The following SREK1 variants were observed in gnomAD, a reference collection of about 807,000 sequenced individuals.
SREK1 encodes splicing regulatory glutamine/lysine-rich protein 1.
SREK1 carries 13 observed loss-of-function variants against 66.5 expected under a neutral mutation model. The ratio of observed to expected loss-of-function variants is 0.20; its 90% confidence interval spans 0.13 to 0.31. The LOEUF is 0.31. SREK1 is among the 10% of genes least tolerant of loss of function. The pLI is 1.00. For missense variants in SREK1, 607 were observed against 769.6 expected, an observed-to-expected ratio of 0.79 and a Z score of 2.50; for synonymous variants, 265 against 263.5, an observed-to-expected ratio of 1.01 and a Z score of -0.05.
intron 5 of SREK1, 114 bp from the exon 6 acceptor site, chr5:66,163,678 T>C: frequency 9.4e-7 from 1 of 1,063,068 alleles, no homozygotes; most frequent in Non-Finnish European, 1.3e-6. Flanking sequence ...TATATCATTC[T>C]TACGTGCTTC....
intron 1 of SREK1, among the ~76,000 whole-genome samples, chr5:66,153,014 C>T (rs1421838613): frequency 6.6e-6 from 1 of 152,172 alleles, no homozygotes; most frequent in Non-Finnish European, 1.5e-5. Context: ...TACTACCTGA[C>T]TCTTTCTAAG....
chr5:66,151,882 G>T (rs1341984214), intron 1 of SREK1, among the ~76,000 whole-genome samples: 4 of 111,126 alleles, frequency 3.6e-5, no homozygotes, highest in African/African-American at 1.4e-4. Context: ...GTCTCGCTCT[G>T]TTGCCTAGGC....
chr5:66,179,157 G>A lies in SREK1; in HGVS notation c.*289G>A. ...CTGTTAGTGTTTGCCAAGAACCATT[G>A]CAAATAAATTGAACATCAAAGATCC... On this transcript the variant is annotated 3_prime_UTR_variant, in exon 12 of 12. Transcript: ENST00000334121. The A allele has an allele frequency of 4.7e-6, 1 of 212,788 alleles. No homozygotes were observed. The highest frequency in any genetic ancestry group is 9.3e-6 in the Non-Finnish European group (1 of 107,328). 13.2% of individuals were successfully genotyped at this position (212,788 alleles called of 1,614,324 possible). A position where few individuals can be genotyped will look rare whatever the true frequency, so the allele number is the denominator to read the frequency against.
At chr5:66,171,610 A>G (rs188012796) in intron 9 of SREK1, among the ~76,000 whole-genome samples, 22 of 152,286 alleles carry the variant, frequency 1.4e-4, no homozygotes, top group Non-Finnish European at 2.8e-4. Flanking sequence ...GGAAGTTCCT[A>G]ACTTATACTA....
intron 9 of SREK1, among the ~76,000 whole-genome samples, chr5:66,172,116 G>A (rs1580670886): frequency 6.6e-6 from 1 of 152,190 alleles, no homozygotes; most frequent in East Asian, 1.9e-4. Flanking sequence ...TTGAACCACA[G>A]ATTGAAGAAT....
intron 3 of SREK1, among the ~76,000 whole-genome samples, chr5:66,160,627 C>T (rs1000910674): frequency 3.9e-5 from 6 of 152,008 alleles, no homozygotes; most frequent in Non-Finnish European, 8.8e-5. Context: ...AATTAGAAAC[C>T]ATTGATGGGT....
chr5:66,160,041 A>G (rs1180803892), intron 3 of SREK1, among the ~76,000 whole-genome samples: 1 of 152,112 alleles, frequency 6.6e-6, no homozygotes, highest in Non-Finnish European at 1.5e-5. Flanking sequence ...GAGGCTGGAG[A>G]ATGGCGTGAG....
chr5:66,157,587 A>G, intron 2 of SREK1: 1 of 967,606 alleles, frequency 1.0e-6, no homozygotes, highest in Non-Finnish European at 1.2e-6. Context: ...ATATAAATAC[A>G]TGTGTTAATA....
chr5:66,156,354 A>T (rs895499541), intron 2 of SREK1: 180 of 1,265,894 alleles, frequency 1.4e-4, no homozygotes, highest in Non-Finnish European at 1.6e-4. Flanking sequence ...GTATTTCATT[A>T]AGGGTTCATA....
chr5:66,181,102 T>A lies in SREK1; in HGVS notation c.*2234T>A, dbSNP rs1038534921. 2.6e-5 allele frequency: 4 copies of A among 152,252 alleles called. No homozygotes were observed. The highest frequency in any genetic ancestry group is 9.6e-5 in the African/African-American group (4 of 41,476). 9.4% of individuals were successfully genotyped at this position (152,252 alleles called of 1,614,324 possible). ...TTGGTTCTTGCTGCTAATTATTTTCTCTGCTGATATTTATTAAGCTTTAAA... is the reference window on the plus strand; with the variant it reads ...TTGGTTCTTGCTGCTAATTATTTTCACTGCTGATATTTATTAAGCTTTAAA... On this transcript the variant is annotated 3_prime_UTR_variant, in exon 12 of 12. Coordinates refer to ENST00000334121, the MANE Select transcript of SREK1 (RefSeq NM_001077199.3).
At chr5:66,149,567 G>A (rs1009030385) in intron 1 of SREK1, among the ~76,000 whole-genome samples, 2 of 152,196 alleles carry the variant, frequency 1.3e-5, no homozygotes, top group African/African-American at 4.8e-5. Flanking sequence ...AGTTTGAAAT[G>A]AAGTAGATTT....
intron 2 of SREK1, chr5:66,157,222 G>A (rs27087): frequency 0.23 from 223,634 of 982,916 alleles, 28,969 homozygotes; most frequent in African/African-American, 0.52. Context: ...AAAGGCAGTG[G>A]GAGAGTTTGA....
intron 2 of SREK1, among the ~76,000 whole-genome samples, chr5:66,155,346 A>G (rs1744199108): frequency 6.6e-6 from 1 of 152,212 alleles, no homozygotes; most frequent in African/African-American, 2.4e-5. Flanking sequence ...ACTAACCTAC[A>G]GTTGGTATTG....
chr5:66,179,102 C>T lies in SREK1; in HGVS notation c.*234C>T, dbSNP rs114614001. 794 of 329,970 alleles carry T rather than the reference C, an allele frequency of 2.4e-3. 6 individuals carry two copies. The highest frequency in any genetic ancestry group is 0.015 in the African/African-American group (694 of 47,640). 20.4% of individuals were successfully genotyped at this position (329,970 alleles called of 1,614,324 possible). On this transcript the variant is annotated 3_prime_UTR_variant, in exon 12 of 12. Transcript: ENST00000334121. ...CTCATCTTCTAAAATCTGTGCATTT[C>T]CATGGTGGCTGACACACTTGTCATG...
chr5:66,176,768 A>G (rs1746088255), intron 10 of SREK1, among the ~76,000 whole-genome samples: 1 of 151,970 alleles, frequency 6.6e-6, no homozygotes, highest in Non-Finnish European at 1.5e-5. Flanking sequence ...ATTTTCTTTC[A>G]TTATGTTTAA....
intron 2 of SREK1, chr5:66,157,332 T>C: frequency 1.0e-6 from 1 of 983,530 alleles, no homozygotes; most frequent in Non-Finnish European, 1.2e-6. Context: ...ATAGTCTTTC[T>C]ACAATGTCTT....
In SREK1 at chr5:66,144,382, C is replaced by T. The variant is rs781553204; in HGVS notation, c.6C>T (p.Asn2=). The T allele has an allele frequency of 1.9e-6, 3 of 1,547,114 alleles. No individual in the cohort carries two copies. Among genetic ancestry groups the T allele is most frequent in the South Asian group, 2.4e-5 (2 of 83,916 alleles). Residue 2 remains asparagine (N), a synonymous_variant, in exon 1 of 12, where the codon AAC becomes AAT. Coordinates refer to ENST00000334121, the MANE Select transcript of SREK1 (RefSeq NM_001077199.3). M[N]SGGGFGLGLG... The stretch of plus-strand genomic sequence containing the variant: ...GCAACGGCAGCGGGATCGGGATGAA[C>T]AGCGGCGGCGGCTTCGGTTTGGGCT...
chr5:66,175,337 G>A (rs1745970309), intron 10 of SREK1, among the ~76,000 whole-genome samples: 2 of 152,072 alleles, frequency 1.3e-5, no homozygotes, highest in African/African-American at 4.8e-5. Context: ...AAGCAACACA[G>A]AATACACACT....
rs147816757 is a variant in SREK1, at chr5:66,153,261, G to A, written c.162-202G>A. ...TACAAGTAAGGCAGTAGGCCTGCCT[G>A]GATTGCCTTCTGTTGTGGTAGACAA... On this transcript the variant is annotated intron_variant, in intron 1 of 11. Transcript: ENST00000334121. Among the ~76,000 whole-genome samples, 529 of 152,152 alleles carry A rather than the reference G, an allele frequency of 3.5e-3. 3 individuals are homozygous for A. The highest frequency in any genetic ancestry group is 0.012 in the African/African-American group (507 of 41,476).
Sources: allele counts gnomAD v4.1 joint callset (sites outside exome capture counted in the v4.1 genomes callset), GRCh38; gene constraint gnomAD v4.1.1; transcripts MANE v1.5; gene names NCBI Gene and HGNC (gene_info 2026-07-23, HGNC 2026-07-21).